LIMA1: variants seen among roughly 807,000 people sequenced by gnomAD.
LIMA1 encodes the protein LIM domain and actin-binding protein 1.
LIMA1 carries 52 observed loss-of-function variants against 62.6 expected under a neutral mutation model. The observed-to-expected ratio is 0.83, with a 90% confidence interval of 0.67 to 1.05. LIMA1 has a LOEUF of 1.05. Among genes scored for constraint, LIMA1 ranks in the 50% least tolerant of loss-of-function variants. The probability of loss-of-function intolerance (pLI) is 0.00; values close to 1 mark genes in which losing one functional copy is unlikely to be tolerated. For missense variants in LIMA1, 780 were observed against 902.2 expected (o/e 0.86, Z 1.74); for synonymous variants, 302 against 317.8 (o/e 0.95, Z 0.53).
chr12:50,256,441 T>C (rs1371469070), intron 1 of LIMA1: 8 of 152,212 alleles, frequency 5.3e-5, no homozygotes, highest in African/African-American at 1.2e-4. Flanking sequence ...TATATTACCA[T>C]AGTACAATTA....
At chr12:50,257,043 T>C (rs1193867941) in intron 1 of LIMA1, among the ~76,000 whole-genome samples, 1 of 152,178 alleles carries the variant, frequency 6.6e-6, no homozygotes, top group Admixed American at 6.5e-5. Flanking sequence ...TTGTAATTCA[T>C]AAATATTATG....
chr12:50,245,270 G>A lies in LIMA1; in HGVS notation c.119+3363C>T, dbSNP rs1941831896. Among the ~76,000 whole-genome samples, 5 of 151,916 alleles carry A rather than the reference G, an allele frequency of 3.3e-5. No individual in the cohort carries two copies. In the South Asian group the frequency reaches 6.2e-4, roughly 19 times the overall value. On this transcript the variant is annotated intron_variant, in intron 2 of 10. Transcript: ENST00000341247. ...TCTTTACAAAAATAAAAAATTAGAC[G>A]GGCATGGTGGTGCATGCCTGTGGTC...
At chr12:50,277,737 C>G (rs1423791009) in intron 1 of LIMA1, among the ~76,000 whole-genome samples, 1 of 152,196 alleles carries the variant, frequency 6.6e-6, no homozygotes, top group Non-Finnish European at 1.5e-5. Context: ...TCCACTTTGT[C>G]ACTCCATTCA....
At chr12:50,218,496 A>G (rs1455874533) in intron 4 of LIMA1, among the ~76,000 whole-genome samples, 1 of 152,244 alleles carries the variant, frequency 6.6e-6, no homozygotes. Flanking sequence ...TATGGGCTCC[A>G]CAGTACTTAG....
At chr12:50,185,425 G>A (rs1381508670) in intron 9 of LIMA1, 1 of 456,184 alleles carries the variant, frequency 2.2e-6, no homozygotes, top group East Asian at 6.9e-5. Flanking sequence ...GCAGAAATTA[G>A]GTACCAGGAG....
At chr12:50,218,908 AAC>A (rs201343445) in intron 4 of LIMA1, among the ~76,000 whole-genome samples, 46,315 of 147,822 alleles carry the variant, frequency 0.31, 7,338 homozygotes, top group South Asian at 0.45. Flanking sequence ...AAAAAAAAAA[AAC>A]AAAAACAAAA....
At chr12:50,227,625 G>A (rs1249962557) in intron 3 of LIMA1, among the ~76,000 whole-genome samples, 1 of 151,954 alleles carries the variant, frequency 6.6e-6, no homozygotes, top group Non-Finnish European at 1.5e-5. Context: ...TGTCAAGTAG[G>A]CCTGTTCTCT....
At position 50,283,519 on chromosome 12, in the gene LIMA1, C is replaced by T. The variant is rs1013790668; in HGVS notation, c.-123G>A. ...GTCGCGACCAAGCTGCTAACACCTA[C>T]TGCTCCTGCGGCCCCGCCCCGGACC... On this transcript the variant is annotated 5_prime_UTR_variant, in exon 1 of 11. Transcript: ENST00000341247. The T allele has an allele frequency of 2.0e-5, 3 of 152,296 alleles. No individual in the cohort carries two copies. The highest frequency in any genetic ancestry group is 7.2e-5 in the African/African-American group (3 of 41,470). 9.4% of individuals were successfully genotyped at this position (152,296 alleles called of 1,614,324 possible). A position where few individuals can be genotyped will look rare whatever the true frequency, so the allele number is the denominator to read the frequency against.
chr12:50,177,501 C>G lies in LIMA1; in HGVS notation c.1843G>C (p.Gly615Arg), dbSNP rs1348479867. The change falls in exon 11 of 11, where the codon GGC (glycine) becomes CGC (arginine). Residue 615 changes from glycine to arginine, a missense_variant. Gly to Arg is a moderately radical substitution (Grantham distance 125). Coordinates refer to ENST00000341247, the MANE Select transcript of LIMA1 (RefSeq NM_016357.5). Reference sequence around the variant, plus strand: ...TCACTCTGCTCTGACATGCTCCAGCCTTTCCTGATAGGTGGGGACACAGTT... The same window carrying G: ...TCACTCTGCTCTGACATGCTCCAGCGTTTCCTGATAGGTGGGGACACAGTT... ...PKTVSPPIRK[G>R]WSMSEQSEES... 1 of 1,613,170 alleles carries G rather than the reference C, an allele frequency of 6.2e-7. No homozygotes were observed. The highest frequency in any genetic ancestry group is 1.7e-5 in the Admixed American group (1 of 59,872).
rs1162871577 is a variant in LIMA1, at chr12:50,252,740, T to C, written c.-23-3966A>G. 2.0e-5 allele frequency among the ~76,000 whole-genome samples: 3 copies of C among 152,120 alleles called. No homozygotes were observed. The East Asian group carries it at 5.8e-4, about 29-fold the overall frequency. On this transcript the variant is annotated intron_variant, in intron 1 of 10. Coordinates refer to ENST00000341247, the MANE Select transcript of LIMA1 (RefSeq NM_016357.5). ...CTATTTACTTAGCACATGCATGGTT[T>C]TTATAACAAAAAAAGTTTCTGATCC...
intron 1 of LIMA1, among the ~76,000 whole-genome samples, chr12:50,272,458 G>C (rs1942223928): frequency 6.6e-6 from 1 of 151,828 alleles, no homozygotes; most frequent in African/African-American, 2.4e-5. Flanking sequence ...CAGGCATGGT[G>C]GTGCATGCCT....
intron 3 of LIMA1, 173 bp from the exon 4 acceptor site, chr12:50,222,658 G>T: frequency 1.3e-6 from 2 of 1,519,392 alleles, no homozygotes; most frequent in Non-Finnish European, 1.8e-6. Context: ...ACCCGGCAGA[G>T]GGAGAGGGAG....
chr12:50,242,686 C>G (rs1941794789), intron 2 of LIMA1, among the ~76,000 whole-genome samples: 1 of 152,128 alleles, frequency 6.6e-6, no homozygotes, highest in Non-Finnish European at 1.5e-5. Context: ...GCTAGCCAGA[C>G]CAGTGGTTTC....
intron 1 of LIMA1, among the ~76,000 whole-genome samples, chr12:50,250,185 C>A (rs575908842): frequency 1.3e-5 from 2 of 150,290 alleles, no homozygotes; most frequent in Non-Finnish European, 2.9e-5. Context: ...ATAATCCCAG[C>A]GACTTGGGAG....
At chr12:50,209,390 T>C (rs1941211797) in intron 4 of LIMA1, among the ~76,000 whole-genome samples, 1 of 151,684 alleles carries the variant, frequency 6.6e-6, no homozygotes, top group East Asian at 2.0e-4. Context: ...GCCAACATTG[T>C]GAAACCCTGT....
Position 50,280,404 on chromosome 12 carries a change from C to T in LIMA1, c.-24+3016G>A, listed in dbSNP as rs185462545. 5.0e-3 allele frequency among the ~76,000 whole-genome samples: 767 copies of T among 152,108 alleles called. 3 individuals carry two copies. Among genetic ancestry groups the T allele is most frequent in the Non-Finnish European group, 6.7e-3 (455 of 67,998 alleles). ...CGATCTCCTGACCTCGTGATCCTCC[C>T]GCCTCGGCCTCCCAAAGTGCTGGGA... On this transcript the variant is annotated intron_variant, in intron 1 of 10. Coordinates refer to ENST00000341247, the MANE Select transcript of LIMA1 (RefSeq NM_016357.5).
At chr12:50,201,605 T>A (rs773670240) in intron 6 of LIMA1, 2 of 875,486 alleles carry the variant, frequency 2.3e-6, no homozygotes, top group Non-Finnish European at 2.7e-6. Context: ...ACATCTAAAA[T>A]CAACATAGAA....
intron 10 of LIMA1, among the ~76,000 whole-genome samples, chr12:50,181,308 C>T (rs1056407058): frequency 1.3e-5 from 2 of 152,018 alleles, no homozygotes; most frequent in Admixed American, 6.6e-5. Flanking sequence ...GGAAGGATTG[C>T]TCAGAAAGGA....
intron 2 of LIMA1, among the ~76,000 whole-genome samples, chr12:50,242,518 A>T (rs1483094717): frequency 6.6e-6 from 1 of 152,148 alleles, no homozygotes; most frequent in Non-Finnish European, 1.5e-5. Context: ...AAGTTATAAC[A>T]AAAACAGGAG....
Sources: gnomAD v4.1 joint callset for allele counts (sites outside exome capture counted in the v4.1 genomes callset) on GRCh38, gnomAD v4.1.1 for gene constraint, MANE v1.5 for transcripts, NCBI Gene and HGNC (gene_info 2026-07-23, HGNC 2026-07-21) for gene names.